The following MBTPS2 variants were observed in gnomAD, a reference collection of about 807,000 sequenced individuals.
MBTPS2 encodes the protein membrane bound transcription factor peptidase, site 2.
Under a neutral mutation model 35.4 loss-of-function variants are expected in MBTPS2, and 2 were observed. That is an observed-to-expected ratio of 0.06 (90% CI 0.02 to 0.18). The LOEUF (loss-of-function observed/expected upper bound fraction) is 0.18, where lower values mean the gene tolerates loss of function less well. MBTPS2 is among the 10% of genes least tolerant of loss of function. The probability of loss-of-function intolerance (pLI) is 1.00; values close to 1 mark genes in which losing one functional copy is unlikely to be tolerated. For synonymous variants in MBTPS2, 125 were observed against 140.4 expected, an observed-to-expected ratio of 0.89 and a Z score of 0.77; for missense variants, 244 against 386.5, an observed-to-expected ratio of 0.63 and a Z score of 3.09.
chrX:21,862,481 G>A (rs965120685), intron 5 of MBTPS2, among the ~76,000 whole-genome samples: 2 of 110,335 alleles, frequency 1.8e-5, no homozygotes, highest in African/African-American at 6.6e-5. Context: ...CCATAGGATA[G>A]GATATAAGAT....
At chrX:21,856,526 G>A (rs749297904) in intron 5 of MBTPS2, 3 of 1,211,174 alleles carry the variant, frequency 2.5e-6, no homozygotes, top group Admixed American at 4.3e-5. Flanking sequence ...AAGACCTGGA[G>A]ATCCCGGCAG....
intron 3 of MBTPS2, among the ~76,000 whole-genome samples, chrX:21,848,288 G>A (rs2092910748): frequency 9.2e-6 from 1 of 109,270 alleles, no homozygotes; most frequent in Non-Finnish European, 1.9e-5. Context: ...GTGTAGTGGC[G>A]TGTGCCTGTA....
intron 5 of MBTPS2, among the ~76,000 whole-genome samples, chrX:21,859,737 A>G (rs757553142): frequency 4.5e-5 from 5 of 111,868 alleles, no homozygotes; most frequent in South Asian, 7.5e-4. Context: ...GGGAGATCAG[A>G]AATGCCACTA....
intron 1 of MBTPS2, among the ~76,000 whole-genome samples, chrX:21,842,534 T>C (rs1022316559): frequency 5.4e-5 from 6 of 110,362 alleles, no homozygotes; most frequent in South Asian, 3.9e-4. Context: ...TCAGAGCTAG[T>C]CCAAACTGAG....
At chrX:21,862,825 A>G (rs1213447835) in intron 5 of MBTPS2, among the ~76,000 whole-genome samples, 1 of 96,159 alleles carries the variant, frequency 1.0e-5, no homozygotes, top group African/African-American at 3.7e-5. Flanking sequence ...AACAAAAAAC[A>G]TATATATATA....
chrX:21,871,247 T>C (rs2092947017), intron 7 of MBTPS2: 1 of 112,529 alleles, frequency 8.9e-6, no homozygotes, highest in African/African-American at 3.2e-5. Flanking sequence ...GTAAATAGAT[T>C]CAAACCAATA....
chrX:21,852,799 C>T (rs1412497166), intron 4 of MBTPS2, among the ~76,000 whole-genome samples: 14 of 101,446 alleles, frequency 1.4e-4, no homozygotes, highest in African/African-American at 4.6e-4. Context: ...AAATGGTTCT[C>T]TTTTTTTTTT....
chrX:21,856,981 C>A (rs891364185), intron 5 of MBTPS2: 6 of 1,211,785 alleles, frequency 5.0e-6, no homozygotes, highest in Non-Finnish European at 6.7e-6. Flanking sequence ...AGCCTGGGCA[C>A]GAGGAAGTGG....
chrX:21,848,658 C>T (rs931495358), intron 3 of MBTPS2, among the ~76,000 whole-genome samples: 2 of 110,448 alleles, frequency 1.8e-5, no homozygotes, highest in Admixed American at 1.9e-4. Context: ...CCAGCCTGGG[C>T]GACACAGCGA....
At chrX:21,868,942 G>A (rs1404197623) in intron 6 of MBTPS2, among the ~76,000 whole-genome samples, 2 of 112,185 alleles carry the variant, frequency 1.8e-5, no homozygotes, top group African/African-American at 6.5e-5. Context: ...TGAAACCTAG[G>A]CTGTCCAGCC....
intron 5 of MBTPS2, among the ~76,000 whole-genome samples, chrX:21,859,138 T>G (rs757526012): frequency 9.0e-6 from 1 of 110,987 alleles, no homozygotes; most frequent in African/African-American, 3.3e-5. Flanking sequence ...TTTCACATTC[T>G]TAGAAATAGG....
intron 3 of MBTPS2, among the ~76,000 whole-genome samples, chrX:21,849,858 CAAA>C (rs34366540): frequency 1.3e-5 from 1 of 77,203 alleles, no homozygotes; most frequent in Non-Finnish European, 2.6e-5. Context: ...ACTAAAAATA[CAAA>C]AAAAAAAAAA....
At position 21,883,333 on chromosome X, in the gene MBTPS2, C is replaced by A. The variant is rs2092961364; in HGVS notation, c.*678C>A. On this transcript the variant is annotated 3_prime_UTR_variant, in exon 11 of 11. Coordinates refer to ENST00000379484, the MANE Select transcript of MBTPS2 (RefSeq NM_015884.4). The stretch of plus-strand genomic sequence containing the variant: ...AAGAGTTGCATCTTTTATAAGGTGT[C>A]TCTGCCCCCTCATAAAGCAGCACTA... 1.3e-6 allele frequency: 1 copy of A among 753,610 alleles called. No homozygotes were observed. The highest frequency in any genetic ancestry group is 8.6e-5 in the Admixed American group (1 of 11,568). 62.1% of individuals were successfully genotyped at this position (753,610 alleles called of 1,213,427 possible).
intron 7 of MBTPS2, 139 bp downstream of exon 7, chrX:21,869,817 T>C (rs1481530106): frequency 2.0e-6 from 1 of 499,040 alleles, no homozygotes; most frequent in East Asian, 3.6e-5. Context: ...TTCCAACCAA[T>C]AGACATTTTT....
intron 3 of MBTPS2, among the ~76,000 whole-genome samples, chrX:21,848,611 C>T (rs1234159975): frequency 2.7e-5 from 3 of 111,014 alleles, no homozygotes; most frequent in East Asian, 5.6e-4. Flanking sequence ...ACCCGGGAGG[C>T]GGAGCTTGCA....
chrX:21,859,776 C>T (rs780657343), intron 5 of MBTPS2, among the ~76,000 whole-genome samples: 3 of 111,592 alleles, frequency 2.7e-5, no homozygotes, highest in South Asian at 7.5e-4. Context: ...GACAGCCCCA[C>T]GAAGCACATA....
At chrX:21,853,303 A>T in intron 4 of MBTPS2, 73 bp from the exon 5 acceptor site, 1 of 821,143 alleles carries the variant, frequency 1.2e-6, no homozygotes, top group South Asian at 2.5e-5. Context: ...GAAAAGTTTT[A>T]AGATTATGTA....
chrX:21,859,195 T>C (rs12382934), intron 5 of MBTPS2, among the ~76,000 whole-genome samples: 4,422 of 111,904 alleles, frequency 0.04, 252 homozygotes, highest in East Asian at 0.21. Flanking sequence ...GTAAAAAAAT[T>C]CAAAATGTTC....
At chrX:21,846,869 T>G (rs180775069) in intron 3 of MBTPS2, among the ~76,000 whole-genome samples, 44 of 112,025 alleles carry the variant, frequency 3.9e-4, no homozygotes, top group Non-Finnish European at 6.8e-4. Flanking sequence ...GTAGCAAGTC[T>G]GTACAAAATG....
Sources: gnomAD v4.1 joint callset for allele counts (sites outside exome capture counted in the v4.1 genomes callset) on GRCh38, gnomAD v4.1.1 for gene constraint, MANE v1.5 for transcripts, NCBI Gene and HGNC (gene_info 2026-07-23, HGNC 2026-07-21) for gene names.